The following TEX11 variants were observed in gnomAD, a reference collection of about 807,000 sequenced individuals.
The protein encoded by TEX11 is testis expressed 11.
TEX11 carries 7 observed loss-of-function variants against 84.4 expected under a neutral mutation model. The ratio of observed to expected loss-of-function variants is 0.08; its 90% CI spans 0.05 to 0.16. The LOEUF is 0.16. Among genes scored for constraint, TEX11 ranks in the 10% least tolerant of loss-of-function variants. The probability of loss-of-function intolerance (pLI) is 1.00; values close to 1 mark genes in which losing one functional copy is unlikely to be tolerated. For missense variants in TEX11, 551 were observed against 660.5 expected, an observed-to-expected ratio of 0.83 and a Z score of 1.82; for synonymous variants, 264 against 222.8, an observed-to-expected ratio of 1.18 and a Z score of -1.64.
At chrX:70,534,185 T>C (rs779932540) in intron 28 of TEX11, among the ~76,000 whole-genome samples, 74 of 108,642 alleles carry the variant, frequency 6.8e-4, no homozygotes, top group Admixed American at 1.2e-3. Context: ...TGAGGCCAGT[T>C]AAAAGGTTCC....
At chrX:70,610,869 AG>A (rs35773961) in intron 20 of TEX11, among the ~76,000 whole-genome samples, 1 of 111,959 alleles carries the variant, frequency 8.9e-6, no homozygotes, top group African/African-American at 3.2e-5. Context: ...GCTTTTTTGA[AG>A]GGGGGAACTA....
At chrX:70,681,004 A>G (rs1257581432) in intron 14 of TEX11, among the ~76,000 whole-genome samples, 1 of 113,124 alleles carries the variant, frequency 8.8e-6, no homozygotes, top group East Asian at 2.7e-4. Flanking sequence ...GACCATGCTT[A>G]CACATAAACT....
chrX:70,588,314 C>A (rs184859250), intron 25 of TEX11, among the ~76,000 whole-genome samples: 2 of 111,657 alleles, frequency 1.8e-5, no homozygotes, highest in Non-Finnish European at 3.8e-5. Flanking sequence ...GAATTGTAAT[C>A]CCCATAATTC....
At chrX:70,841,937 G>T (rs1173001737) in intron 7 of TEX11, among the ~76,000 whole-genome samples, 1 of 111,767 alleles carries the variant, frequency 8.9e-6, no homozygotes, top group African/African-American at 3.2e-5. Flanking sequence ...CCAGGAAGAA[G>T]TTGAATCTCT....
intron 28 of TEX11, among the ~76,000 whole-genome samples, chrX:70,542,621 G>A (rs1280208789): frequency 2.7e-5 from 3 of 111,854 alleles, no homozygotes; most frequent in African/African-American, 6.5e-5. Flanking sequence ...GAGAGTGGAC[G>A]TAAGAGTACT....
At position 70,880,058 on chromosome X, in the gene TEX11, G is replaced by A. The variant is rs1470073033; in HGVS notation, c.89C>T (p.Ala30Val). Residue 30 changes from alanine to valine, a missense_variant, in exon 3 of 30, where the codon GCA (alanine) becomes GTA (valine). Transcript: ENST00000374333. ...TATGTCGCTGAAGAGTCTATCAATTGCCTCTGGTATGTTAGGTGAATTATC... is the reference window on the plus strand; with the variant it reads ...TATGTCGCTGAAGAGTCTATCAATTACCTCTGGTATGTTAGGTGAATTATC... ...TNDNSPNIPEAIDRLFSDIAN... is the reference protein window; with the variant it reads ...TNDNSPNIPEVIDRLFSDIAN... 5.1e-6 allele frequency: 6 copies of A among 1,179,580 alleles called. No individual in the cohort carries two copies. The highest frequency in any genetic ancestry group is 1.8e-5 in the African/African-American group (1 of 56,581).
intron 12 of TEX11, among the ~76,000 whole-genome samples, chrX:70,723,795 A>G (rs2090579058): frequency 9.3e-6 from 1 of 107,584 alleles, no homozygotes; most frequent in African/African-American, 3.3e-5. Context: ...CTACTACAAA[A>G]AATATCAGTG....
At chrX:70,626,510 A>G (rs1283956637) in intron 18 of TEX11, among the ~76,000 whole-genome samples, 1 of 111,092 alleles carries the variant, frequency 9.0e-6, no homozygotes, top group Admixed American at 9.6e-5. Context: ...TGATGTTACC[A>G]GTTTTTCACT....
At chrX:70,766,273 ATGG>A (rs2090939632) in intron 9 of TEX11, among the ~76,000 whole-genome samples, 1 of 110,239 alleles carries the variant, frequency 9.1e-6, no homozygotes, top group Middle Eastern at 4.2e-3. Context: ...TTAGCTGGGC[ATGG>A]TGGTGCGTGC....
At chrX:70,763,619 ATAGT>A (rs888627433) in intron 9 of TEX11, among the ~76,000 whole-genome samples, 287 of 111,388 alleles carry the variant, frequency 2.6e-3, no homozygotes, top group African/African-American at 9.0e-3. Flanking sequence ...ATTAAAAAAA[ATAGT>A]TATAGTGGTG....
At chrX:70,612,727 AAGG>A (rs2089275756) in intron 20 of TEX11, among the ~76,000 whole-genome samples, 1 of 111,872 alleles carries the variant, frequency 8.9e-6, no homozygotes, top group Non-Finnish European at 1.9e-5. Context: ...GGAATACCAG[AAGG>A]AGAAGAATAG....
intron 10 of TEX11, among the ~76,000 whole-genome samples, chrX:70,741,925 C>T (rs2090736142): frequency 8.9e-6 from 1 of 111,874 alleles, no homozygotes; most frequent in African/African-American, 3.2e-5. Flanking sequence ...AATTGTTTCA[C>T]TTCTAGTAGT....
chrX:70,515,650 T>A, the TEX11 span, among the ~76,000 whole-genome samples: 1 of 112,422 alleles, frequency 8.9e-6, no homozygotes, highest in Non-Finnish European at 1.9e-5. Context: ...ATGGGATTGC[T>A]GGTTCAAATG....
At chrX:70,573,206 C>T (rs1319396258) in intron 25 of TEX11, among the ~76,000 whole-genome samples, 1 of 110,977 alleles carries the variant, frequency 9.0e-6, no homozygotes, top group Non-Finnish European at 1.9e-5. Context: ...TACTATATTT[C>T]TTCAGTGACT....
At chrX:70,725,827 C>A (rs1422518317) in intron 11 of TEX11, among the ~76,000 whole-genome samples, 2 of 111,881 alleles carry the variant, frequency 1.8e-5, no homozygotes, top group Non-Finnish European at 3.8e-5. Flanking sequence ...CTGTGATCTT[C>A]CCGGTTCCAC....
At chrX:70,516,519 C>T in the TEX11 span, among the ~76,000 whole-genome samples, 41 of 111,434 alleles carry the variant, frequency 3.7e-4, no homozygotes, top group African/African-American at 9.4e-4. Context: ...TTTTGGTTAC[C>T]GTAGCCTTGT....
At chrX:70,824,002 A>C (rs1448469096) in intron 8 of TEX11, among the ~76,000 whole-genome samples, 1 of 111,745 alleles carries the variant, frequency 8.9e-6, no homozygotes, top group Admixed American at 9.6e-5. Context: ...CCTGGGCGAC[A>C]TAGTGAGATT....
chrX:70,605,314 G>A, intron 24 of TEX11, 87 bp downstream of exon 24: 1 of 589,502 alleles, frequency 1.7e-6, no homozygotes. Flanking sequence ...ATTCTCTAAA[G>A]AGAATCAAAA....
chrX:70,624,730 T>C, intron 19 of TEX11, 109 bp downstream of exon 19: 5 of 570,885 alleles, frequency 8.8e-6, no homozygotes, highest in Non-Finnish European at 1.4e-5. Flanking sequence ...TGCTTCGCTA[T>C]TTTATGTAAG....
Sources: allele counts gnomAD v4.1 joint callset (sites outside exome capture counted in the v4.1 genomes callset), GRCh38; gene constraint gnomAD v4.1.1; transcripts MANE v1.5; gene names NCBI Gene and HGNC (gene_info 2026-07-23, HGNC 2026-07-21).